CCDC102B: variants seen among roughly 807,000 people sequenced by gnomAD.
CCDC102B encodes coiled-coil domain-containing protein 102B.
CCDC102B carries 75 observed loss-of-function variants against 57.4 expected under a neutral mutation model. That is an observed-to-expected ratio of 1.31 (90% CI 1.08 to 1.58). CCDC102B has a LOEUF of 1.58. CCDC102B is among the 40% of genes most tolerant of loss of function. The probability of loss-of-function intolerance (pLI) is 0.00; values close to 1 mark genes in which losing one functional copy is unlikely to be tolerated. For synonymous variants in CCDC102B, 206 were observed against 201.9 expected, an observed-to-expected ratio of 1.02 and a Z score of -0.17; for missense variants, 636 against 582.6, an observed-to-expected ratio of 1.09 and a Z score of -0.94.
chr18:68,810,899 C>A (rs1304185140), intron 1 of CCDC102B, among the ~76,000 whole-genome samples: 2 of 151,824 alleles, frequency 1.3e-5, no homozygotes, highest in Admixed American at 1.3e-4. Flanking sequence ...CTCCCTATGT[C>A]CATGTTTTCT....
intron 2 of CCDC102B, among the ~76,000 whole-genome samples, chr18:68,724,255 T>C (rs1233862982): frequency 6.6e-6 from 1 of 152,188 alleles, no homozygotes; most frequent in African/African-American, 2.4e-5. Flanking sequence ...TCTGGGCCTC[T>C]GATAGAAGGG....
chr18:68,899,212 T>C (rs1031086378), intron 6 of CCDC102B, among the ~76,000 whole-genome samples: 5 of 152,012 alleles, frequency 3.3e-5, no homozygotes, highest in Admixed American at 3.3e-4. Context: ...CAAGCCAAAA[T>C]TCTTAGTGCA....
intron 2 of CCDC102B, among the ~76,000 whole-genome samples, chr18:68,730,206 C>T (rs1254866805): frequency 3.9e-5 from 6 of 152,132 alleles, no homozygotes; most frequent in South Asian, 2.1e-4. Flanking sequence ...TCCATTATTA[C>T]GTACTTCAGA....
intron 1 of CCDC102B, 59 bp downstream of exon 1, chr18:68,798,240 G>A (rs2035703838): frequency 6.6e-6 from 1 of 152,232 alleles, no homozygotes; most frequent in South Asian, 2.1e-4. Context: ...TCCTGCTGAG[G>A]TACAGCATGT....
chr18:68,904,063 A>C (rs1461414967), intron 6 of CCDC102B, among the ~76,000 whole-genome samples: 1 of 152,142 alleles, frequency 6.6e-6, no homozygotes, highest in African/African-American at 2.4e-5. Context: ...TCCAAATCTT[A>C]CTATTATTTA....
chr18:68,767,335 T>A (rs1464207115), intron 2 of CCDC102B, among the ~76,000 whole-genome samples: 1 of 152,180 alleles, frequency 6.6e-6, no homozygotes, highest in Admixed American at 6.5e-5. Flanking sequence ...GTTAGTGCCA[T>A]TTTAAGAGGA....
At chr18:69,013,700 C>T (rs970768732) in intron 7 of CCDC102B, among the ~76,000 whole-genome samples, 5 of 152,060 alleles carry the variant, frequency 3.3e-5, no homozygotes, top group Admixed American at 2.0e-4. Flanking sequence ...ACTAATATTA[C>T]TTGTTTGCTA....
At chr18:68,835,808 C>G (rs1487640892) in intron 1 of CCDC102B, among the ~76,000 whole-genome samples, 1 of 152,166 alleles carries the variant, frequency 6.6e-6, no homozygotes, top group Non-Finnish European at 1.5e-5. Flanking sequence ...TATTCAAACA[C>G]ACGGAAGGCA....
intron 2 of CCDC102B, among the ~76,000 whole-genome samples, chr18:68,723,318 T>C (rs2032441740): frequency 6.6e-6 from 1 of 152,100 alleles, no homozygotes; most frequent in African/African-American, 2.4e-5. Flanking sequence ...TTCTGCCCCT[T>C]GCCCCTCCCA....
chr18:68,877,815 C>A (rs2039508226), intron 5 of CCDC102B, among the ~76,000 whole-genome samples: 1 of 152,090 alleles, frequency 6.6e-6, no homozygotes, highest in African/African-American at 2.4e-5. Flanking sequence ...TGCTAAAATC[C>A]CTGGTTAATA....
At chr18:68,946,721 A>T (rs2049551122) in intron 6 of CCDC102B, among the ~76,000 whole-genome samples, 1 of 151,934 alleles carries the variant, frequency 6.6e-6, no homozygotes, top group African/African-American at 2.4e-5. Context: ...TCATTTAGAA[A>T]CCTAAGGGCT....
rs1395799223 is a variant in CCDC102B, at chr18:69,022,222, T to TATATATATATATATATATATAA, written c.1434+11119_1434+11120insTATATATATATATATATATAAA. Among the ~76,000 whole-genome samples, 92 of 94,974 alleles carry TATATATATATATATATATATAA rather than the reference T, an allele frequency of 9.7e-4. 1 individual carries two copies. The highest frequency in any genetic ancestry group is 1.8e-3 in the Non-Finnish European group (80 of 45,514). The allele number at this position is 94,974 out of a possible 152,430, so 62.3% of individuals were successfully genotyped here. Reference sequence around the variant, plus strand: ...ATATATATATATATATATATATATATAACACACACACACGCGTGCGTGTGC... The same window carrying TATATATATATATATATATATAA: ...ATATATATATATATATATATATATATATATATATATATATATATATAAAACACACACACACGCGTGCGTGTGC... On this transcript the variant is annotated intron_variant, in intron 7 of 7. Coordinates refer to ENST00000360242, the MANE Select transcript of CCDC102B (RefSeq NM_024781.3).
At chr18:68,821,784 A>G (rs887461856) in intron 1 of CCDC102B, among the ~76,000 whole-genome samples, 87 of 152,188 alleles carry the variant, frequency 5.7e-4, no homozygotes, top group African/African-American at 2.0e-3. Context: ...ACAAGTTTCT[A>G]TCAATTTTAA....
chr18:68,935,781 T>C lies in CCDC102B; in HGVS notation c.1263+38353T>C, dbSNP rs570614999. On this transcript the variant is annotated intron_variant, in intron 6 of 7. Transcript: ENST00000360242. ...AGAATGAGTGGCCAGTGTTGAGGAG[T>C]AAGATGTGCAAGTGCAGCATCCTGG... Among the ~76,000 whole-genome samples, 51 of 151,386 alleles carry C rather than the reference T, an allele frequency of 3.4e-4. 1 individual carries two copies. The highest frequency in any genetic ancestry group is 1.2e-3 in the African/African-American group (51 of 41,258).
At chr18:68,786,153 A>T in intron 2 of CCDC102B, among the ~76,000 whole-genome samples, 1 of 148,754 alleles carries the variant, frequency 6.7e-6, no homozygotes, top group Non-Finnish European at 1.5e-5. Context: ...ATGTGGCATT[A>T]TTTCTGAGGG....
In CCDC102B at chr18:68,783,156, TG is replaced by T. The variant is rs2035066074; in HGVS notation, c.-66-40209del. Among the ~76,000 whole-genome samples the T allele has an allele frequency of 3.3e-5, 5 of 152,364 alleles. No homozygotes were observed. In the South Asian group the frequency reaches 1.0e-3, roughly 32 times the overall value. Reference sequence around the variant, plus strand: ...AGCAGTCCTGGCCTGGGAAGGCTCCTGTTTTCAGTCAGGTTTCCCATTGTGA... The same window carrying T: ...AGCAGTCCTGGCCTGGGAAGGCTCCTTTTTCAGTCAGGTTTCCCATTGTGA... On this transcript the variant is annotated intron_variant, in intron 2 of 3. Transcript: ENST00000578970.
At chr18:69,035,770 A>G (rs1331872083) in intron 7 of CCDC102B, among the ~76,000 whole-genome samples, 1 of 152,048 alleles carries the variant, frequency 6.6e-6, no homozygotes, top group Non-Finnish European at 1.5e-5. Context: ...GGCAAAATTT[A>G]CTCTGTATTA....
chr18:68,729,527 C>A (rs575167687), intron 2 of CCDC102B, among the ~76,000 whole-genome samples: 2 of 152,134 alleles, frequency 1.3e-5, no homozygotes, highest in Non-Finnish European at 2.9e-5. Context: ...GGAAACTTGA[C>A]GCATGACTTG....
intron 6 of CCDC102B, among the ~76,000 whole-genome samples, chr18:68,969,274 G>A (rs141019642): frequency 8.0e-4 from 121 of 152,186 alleles, no homozygotes; most frequent in Middle Eastern, 3.4e-3. Flanking sequence ...AGGGGCCCTC[G>A]CCTGTGCTGC....
Sources: gnomAD v4.1 joint callset for allele counts (sites outside exome capture counted in the v4.1 genomes callset) on GRCh38, gnomAD v4.1.1 for gene constraint, MANE v1.5 for transcripts, NCBI Gene and HGNC (gene_info 2026-07-23, HGNC 2026-07-21) for gene names.